Variants in HIGD1A observed in about 807,000 individuals in gnomAD.
HIGD1A encodes HIG1 hypoxia inducible domain family member 1A, also known as HIG1 domain family member 1A, mitochondrial.
In HIGD1A, 8 loss-of-function variants were observed where a neutral mutation model predicts 11.3. The ratio of observed to expected loss-of-function variants is 0.71; its 90% confidence interval spans 0.42 to 1.28. The LOEUF is 1.28. HIGD1A is among the 50% of genes most tolerant of loss of function. The pLI, the probability that HIGD1A is intolerant of heterozygous loss-of-function variation, is 0.01. For synonymous variants in HIGD1A, 32 were observed against 38.4 expected (o/e 0.83, Z 0.62); for missense variants, 107 against 118.8 (o/e 0.90, Z 0.46).
rs1046506588 is a variant in HIGD1A at position 42,804,462 on chromosome 3, C to T, written c.-49G>A. Reference sequence around the variant, plus strand: ...TAGAGCGAGAAAACCTCTCACACCCCAACCGGCTTCCGATCCCTGCAGGCG... The same window carrying T: ...TAGAGCGAGAAAACCTCTCACACCCTAACCGGCTTCCGATCCCTGCAGGCG... On this transcript the variant is annotated 5_prime_UTR_variant, in exon 1 of 4. Transcript: ENST00000321331. The T allele has an allele frequency of 6.3e-6, 3 of 476,134 alleles. No individual in the cohort carries two copies. Among genetic ancestry groups the T allele is most frequent in the African/African-American group, 4.0e-5 (2 of 49,732 alleles). The allele number at this position is 476,134 out of a possible 1,614,324, so 29.5% of individuals were successfully genotyped here.
rs1191408463 is a variant in HIGD1A at position 42,786,033 on chromosome 3, G to T, written c.227C>A (p.Thr76Asn). The change falls in exon 3 of 4, where the codon ACT (threonine) becomes AAT (asparagine). Residue 76 changes from threonine to asparagine, a missense_variant. Transcript: ENST00000321331. ...AATTTCCTATAGGAACCTACCAACA[G>T]TCATTGCTCCTACAACAAAGCCTTG... ...AAQGFVVGAM[T>N]VGMGYSMYRE... 2 of 1,612,300 alleles carry T rather than the reference G, an allele frequency of 1.2e-6. No individual in the cohort carries two copies. Among genetic ancestry groups the T allele is most frequent in the Non-Finnish European group, 1.7e-6 (2 of 1,179,930 alleles).
chr3:42,789,641 A>G (rs1434901547), intron 2 of HIGD1A, among the ~76,000 whole-genome samples: 1 of 152,066 alleles, frequency 6.6e-6, no homozygotes, highest in African/African-American at 2.4e-5. Context: ...GTAAAAGTAA[A>G]TTAGAATATA....
At chr3:42,796,199 T>C (rs544451924) in intron 1 of HIGD1A, among the ~76,000 whole-genome samples, 3 of 152,194 alleles carry the variant, frequency 2.0e-5, no homozygotes, top group African/African-American at 4.8e-5. Flanking sequence ...CTCACCTTCA[T>C]TGAGAAGACT....
chr3:42,802,192 G>T (rs1700573841), intron 1 of HIGD1A, among the ~76,000 whole-genome samples: 1 of 151,968 alleles, frequency 6.6e-6, no homozygotes, highest in African/African-American at 2.4e-5. Context: ...AGGAGGGAGG[G>T]GGTTAGTTGT....
In HIGD1A at chr3:42,784,751, T is replaced by C. The variant is rs1298567735; in HGVS notation, c.*520A>G. 1 of 152,918 alleles carries C rather than the reference T, an allele frequency of 6.5e-6. No homozygotes were observed. The allele number at this position is 152,918 out of a possible 1,614,324, so 9.5% of individuals were successfully genotyped here. ...CTCTATTGTTTAAGCTTTCTGGATT[T>C]GGTTTAAACACATGCATATATATTG... On this transcript the variant is annotated 3_prime_UTR_variant, in exon 4 of 4. Transcript: ENST00000321331.
intron 2 of HIGD1A, 88 bp downstream of exon 2, chr3:42,794,069 A>G (rs1341338228): frequency 6.0e-6 from 8 of 1,328,002 alleles, no homozygotes; most frequent in Non-Finnish European, 8.2e-6. Context: ...AAAAAAATGG[A>G]AAATACATTC....
At chr3:42,802,172 T>C (rs1305186582) in intron 1 of HIGD1A, among the ~76,000 whole-genome samples, 9 of 152,296 alleles carry the variant, frequency 5.9e-5, no homozygotes, top group Admixed American at 4.6e-4. Context: ...TTTTTTTTTT[T>C]TCTCCTTTCA....
chr3:42,804,337 A>C (rs1700608615), intron 1 of HIGD1A, 99 bp downstream of exon 1: 33 of 700,276 alleles, frequency 4.7e-5, no homozygotes, highest in African/African-American at 1.1e-4. Context: ...CCCAGCCCCC[A>C]CCCCCAAAGT....
rs1339069402 is a variant in HIGD1A, at chr3:42,783,403, T to C, written c.*1868A>G. Among the ~76,000 whole-genome samples, 1 of 152,142 alleles carries C rather than the reference T, an allele frequency of 6.6e-6. No homozygotes were observed. The highest frequency in any genetic ancestry group is 2.4e-5 in the African/African-American group (1 of 41,432). ...GGGAGGCTGAGGCAGATAGATCTCT[T>C]GAAGCCAGGAGTTCAAGATCATCCA... On this transcript the variant is annotated 3_prime_UTR_variant, in exon 4 of 4. Transcript: ENST00000321331.
At chr3:42,795,756 CA>C (rs758099991) in intron 1 of HIGD1A, among the ~76,000 whole-genome samples, 10 of 151,558 alleles carry the variant, frequency 6.6e-5, no homozygotes, top group Non-Finnish European at 1.5e-4. Flanking sequence ...TTCATTATCA[CA>C]GGGATCAAAG....
intron 1 of HIGD1A, 72 bp downstream of exon 1, chr3:42,804,364 A>G: frequency 1.7e-6 from 1 of 588,424 alleles, no homozygotes. Flanking sequence ...GGCCTGGCCA[A>G]GCGCTGCCCC....
intron 2 of HIGD1A, among the ~76,000 whole-genome samples, chr3:42,790,097 A>G (rs940649745): frequency 3.3e-5 from 5 of 152,354 alleles, no homozygotes; most frequent in African/African-American, 1.2e-4. Flanking sequence ...ACAGGGATAC[A>G]TGTGAATACT....
rs373663436 is a variant in HIGD1A at position 42,788,347 on chromosome 3, C to G, written c.98-2185G>C. 4.3e-4 allele frequency among the ~76,000 whole-genome samples: 65 copies of G among 152,154 alleles called. No individual in the cohort carries two copies. The South Asian group carries it at 0.013, about 32-fold the overall frequency. On this transcript the variant is annotated intron_variant, in intron 2 of 3. Coordinates refer to ENST00000321331, the MANE Select transcript of HIGD1A (RefSeq NM_014056.4). ...AGAATACAAATTCCTAAATTTGATT[C>G]AAGAAGTTGTAGAAAACCTTTCTAT...
At chr3:42,794,586 T>C (rs1700471599) in intron 1 of HIGD1A, among the ~76,000 whole-genome samples, 1 of 152,214 alleles carries the variant, frequency 6.6e-6, no homozygotes, top group African/African-American at 2.4e-5. Context: ...ATTAAAATAG[T>C]AGCTACTAAT....
Position 42,785,319 on chromosome 3 carries a change from A to T in HIGD1A, c.234T>A (p.Gly78=), listed in dbSNP as rs755418782. 6.2e-7 allele frequency: 1 copy of T among 1,608,422 alleles called. No homozygotes were observed. Among genetic ancestry groups the T allele is most frequent in the Non-Finnish European group, 8.5e-7 (1 of 1,177,004 alleles). The change falls in exon 4 of 4, where the codon GGT becomes GGA. Residue 78 remains glycine (G), a splice_region_variant and synonymous_variant. Transcript: ENST00000321331. ...QGFVVGAMTV[G]MGYSMYREFW... is the part of the protein sequence containing the mutation. ...ATTCCCGATACATGGAATAGCCCAT[A>T]CCTAAAGAAAAAGAATGCTAGTTAA... is the stretch of plus-strand genomic sequence containing the variant.
intron 1 of HIGD1A, among the ~76,000 whole-genome samples, chr3:42,800,163 C>A (rs1425768948): frequency 6.6e-6 from 1 of 151,882 alleles, no homozygotes; most frequent in South Asian, 2.1e-4. Flanking sequence ...CCCATCTCTA[C>A]TAAAAATACA....
Position 42,784,890 on chromosome 3 carries a change from AG to A in HIGD1A, c.*380del, listed in dbSNP as rs1464686534. Reference sequence around the variant, plus strand: ...AAAAGTTGAATTAACTGGGGCAAATAGGACTCTTATGCAACATCCAAAATAT... The same window carrying A: ...AAAAGTTGAATTAACTGGGGCAAATAGACTCTTATGCAACATCCAAAATAT... On this transcript the variant is annotated 3_prime_UTR_variant, in exon 4 of 4. Coordinates refer to ENST00000321331, the MANE Select transcript of HIGD1A (RefSeq NM_014056.4). The A allele has an allele frequency of 1.1e-5, 2 of 185,214 alleles. No homozygotes were observed. Among genetic ancestry groups the A allele is most frequent in the African/African-American group, 4.7e-5 (2 of 42,814 alleles). 11.5% of individuals were successfully genotyped at this position (185,214 alleles called of 1,614,324 possible). A position where few individuals can be genotyped will look rare whatever the true frequency, so the allele number is the denominator to read the frequency against.
In HIGD1A at chr3:42,803,792, C is replaced by T. The variant is rs146619871; in HGVS notation, c.-23+644G>A. ...TGCTTTGTAATCTCTAACCCGCCGA[C>T]TCGGCAGGAGAAAAATTTAATTCGG... is the stretch of plus-strand genomic sequence containing the variant. On this transcript the variant is annotated intron_variant, in intron 1 of 3. Transcript: ENST00000321331. Among the ~76,000 whole-genome samples, 26 of 152,328 alleles carry T rather than the reference C, an allele frequency of 1.7e-4. No homozygotes were observed. In the East Asian group the frequency reaches 4.8e-3, roughly 28 times the overall value.
intron 2 of HIGD1A, among the ~76,000 whole-genome samples, chr3:42,790,370 TA>T (rs1272381328): frequency 6.6e-6 from 1 of 152,026 alleles, no homozygotes; most frequent in East Asian, 1.9e-4. Context: ...CTGTCTCTAC[TA>T]AAACTACAAA....
Sources: gnomAD v4.1 joint callset for allele counts (sites outside exome capture counted in the v4.1 genomes callset) on GRCh38, gnomAD v4.1.1 for gene constraint, MANE v1.5 for transcripts, NCBI Gene and HGNC (gene_info 2026-07-23, HGNC 2026-07-21) for gene names.